DRC9: variants seen among roughly 807,000 people sequenced by gnomAD.
The protein encoded by DRC9 is dynein regulatory complex subunit 9.
chr3:197,945,540 A>G, the DRC9 span: 1 of 881,336 alleles, frequency 1.1e-6, no homozygotes, highest in African/African-American at 1.7e-5. Flanking sequence ...ACGCAGCAAT[A>G]GATAAGGTAT....
chr3:197,935,509 G>A, the DRC9 span, among the ~76,000 whole-genome samples: 1 of 151,894 alleles, frequency 6.6e-6, no homozygotes, highest in East Asian at 1.9e-4. Flanking sequence ...TTAGAGACAG[G>A]GTCTCGCCCT....
At chr3:197,932,240 T>C in the DRC9 span, 1 of 1,613,438 alleles carries the variant, frequency 6.2e-7, no homozygotes, top group South Asian at 1.1e-5. Context: ...CAGGAGACTG[T>C]TGTAAGTGGC....
the DRC9 span, among the ~76,000 whole-genome samples, chr3:197,933,129 C>A: frequency 6.9e-6 from 1 of 144,750 alleles, no homozygotes; most frequent in African/African-American, 2.6e-5. Context: ...ATTATACATA[C>A]GCATTTCCCT....
the DRC9 span, chr3:197,943,963 C>T: frequency 3.7e-6 from 6 of 1,614,126 alleles, no homozygotes; most frequent in East Asian, 1.3e-4. Flanking sequence ...CCTTCTTCTT[C>T]TACGGTACTA....
At chr3:197,898,554 A>G in the DRC9 span, among the ~76,000 whole-genome samples, 1 of 152,248 alleles carries the variant, frequency 6.6e-6, no homozygotes, top group Non-Finnish European at 1.5e-5. Context: ...CATACTGCTG[A>G]TAAAGGCATA....
the DRC9 span, among the ~76,000 whole-genome samples, chr3:197,914,237 G>A: frequency 6.6e-6 from 1 of 152,166 alleles, no homozygotes; most frequent in East Asian, 1.9e-4. Flanking sequence ...GCATTTCTAA[G>A]AATCAGGGCG....
At chr3:197,948,898 C>G in the DRC9 span, among the ~76,000 whole-genome samples, 1 of 152,158 alleles carries the variant, frequency 6.6e-6, no homozygotes, top group Admixed American at 6.5e-5. Flanking sequence ...CTACAGGAAC[C>G]TATAATTATC....
chr3:197,922,685 G>A, the DRC9 span, among the ~76,000 whole-genome samples: 6,388 of 151,538 alleles, frequency 0.042, 209 homozygotes, highest in African/African-American at 0.089. Flanking sequence ...CAGCCTGGGC[G>A]ACAGAGCTAG....
the DRC9 span, among the ~76,000 whole-genome samples, chr3:197,898,454 G>T: frequency 3.3e-4 from 50 of 152,298 alleles, no homozygotes; most frequent in African/African-American, 1.2e-3. Context: ...CAAAGAAAGT[G>T]CAAGAAAATT....
At chr3:197,932,438 T>C in the DRC9 span, 1 of 534,890 alleles carries the variant, frequency 1.9e-6, no homozygotes, top group Non-Finnish European at 3.2e-6. Flanking sequence ...ATCAAGACCA[T>C]CCTGGCCAAC....
At chr3:197,933,079 A>T in the DRC9 span, among the ~76,000 whole-genome samples, 19 of 131,682 alleles carry the variant, frequency 1.4e-4, no homozygotes, top group East Asian at 4.1e-4. Flanking sequence ...TATATATATA[A>T]AATACATATA....
chr3:197,958,896 A>G, the DRC9 span: 3 of 152,306 alleles, frequency 2.0e-5, no homozygotes, highest in African/African-American at 4.8e-5. Context: ...TAACTTGTCC[A>G]CTACACCATT....
At chr3:197,953,240 A>G in the DRC9 span, among the ~76,000 whole-genome samples, 1 of 152,226 alleles carries the variant, frequency 6.6e-6, no homozygotes, top group Non-Finnish European at 1.5e-5. Context: ...AGTCAGGTGC[A>G]GTGGCTCACA....
At chr3:197,903,339 A>G in the DRC9 span, among the ~76,000 whole-genome samples, 6,370 of 152,298 alleles carry the variant, frequency 0.042, 165 homozygotes, top group South Asian at 0.074. Flanking sequence ...CAAATGGATC[A>G]TATCAAGTTA....
At chr3:197,959,933 T>A in the DRC9 span, 6 of 479,964 alleles carry the variant, frequency 1.3e-5, no homozygotes, top group Non-Finnish European at 2.2e-5. Context: ...CATGTCACTT[T>A]GGTAAATGAA....
chr3:197,945,207 C>A, the DRC9 span, among the ~76,000 whole-genome samples: 1 of 152,210 alleles, frequency 6.6e-6, no homozygotes, highest in East Asian at 1.9e-4. Context: ...TCTCTCAAAT[C>A]TCTCACTGTG....
the DRC9 span, among the ~76,000 whole-genome samples, chr3:197,945,001 T>A: frequency 6.6e-6 from 1 of 152,208 alleles, no homozygotes. Context: ...AAGTGTCTCA[T>A]GATGAGTGAA....
the DRC9 span, among the ~76,000 whole-genome samples, chr3:197,904,049 CATACATATATATATAT>C: frequency 1.1e-5 from 1 of 92,228 alleles, no homozygotes; most frequent in African/African-American, 5.3e-5. Context: ...CATATATATA[CATACATATATATATAT>C]ACATACATAT....
chr3:197,901,284 C>G, the DRC9 span, among the ~76,000 whole-genome samples: 1 of 152,224 alleles, frequency 6.6e-6, no homozygotes, highest in Non-Finnish European at 1.5e-5. The surrounding 1 kb of genome is among the most constrained non-coding windows in gnomAD (Gnocchi z 4.4). Context: ...ATTACAGGCA[C>G]TTGCCACCAT....
Sources: allele counts gnomAD v4.1 joint callset (sites outside exome capture counted in the v4.1 genomes callset), GRCh38; gene constraint gnomAD v4.1.1; non-coding constraint Gnocchi (gnomAD v3.1); transcripts MANE v1.5; gene names NCBI Gene and HGNC (gene_info 2026-07-23, HGNC 2026-07-21).